Variants in ABCC3 observed in about 807,000 individuals in gnomAD.
ABCC3 encodes ATP binding cassette subfamily C member 3, also known as ATP-binding cassette sub-family C member 3.
In ABCC3, 121 loss-of-function variants were observed where a neutral mutation model predicts 165.3. The observed-to-expected ratio is 0.73, with a 90% confidence interval of 0.63 to 0.85. The LOEUF (loss-of-function observed/expected upper bound fraction) is 0.85. Among genes scored for constraint, ABCC3 ranks in the 40% least tolerant of loss-of-function variants. The pLI is 0.00. For missense variants in ABCC3, 1,869 were observed against 1,964.1 expected (o/e 0.95, Z 0.92); for synonymous variants, 733 against 810.1 (o/e 0.90, Z 1.62).
intron 30 of ABCC3, among the ~76,000 whole-genome samples, chr17:50,689,962 A>G (rs1051972230): frequency 2.0e-5 from 3 of 152,168 alleles, no homozygotes; most frequent in Non-Finnish European, 2.9e-5. Context: ...AATAGGGCCC[A>G]TAGGAAGGAC....
In ABCC3 at chr17:50,691,142, AC is replaced by A; in HGVS notation, c.4528del (p.Leu1510SerfsTer23). On this transcript the variant is annotated frameshift_variant, in exon 31 of 31. Transcript: ENST00000285238. LOFTEE classifies it high-confidence loss of function. ...GTAGCTGAATTTGATTCTCCAGCCA[AC>A]CTCATTGCAGCTAGAGGCATCTTCT... is the stretch of plus-strand genomic sequence containing the variant. The part of the protein sequence containing the change: ...GVVAEFDSPA[N>X]LIAARGIFYG... 6.2e-7 allele frequency: 1 copy of A among 1,614,178 alleles called. No individual in the cohort carries two copies. Among genetic ancestry groups the A allele is most frequent in the Non-Finnish European group, 8.5e-7 (1 of 1,180,016 alleles).
At position 50,673,529 on chromosome 17, in the gene ABCC3, C is replaced by A; in HGVS notation, c.2470C>A (p.Leu824Ile). Residue 824 changes from leucine (L) to isoleucine (I), a missense_variant, in exon 19 of 31, where the codon CTA becomes ATA. Coordinates refer to ENST00000285238, the MANE Select transcript of ABCC3 (RefSeq NM_003786.4). ...GCCCCAGACAGACTTCATCATTGTG[C>A]TAGCTGATGGACAGGTGTCTGAGAT... Reference protein sequence around the residue: ...FLPQTDFIIVLADGQVSEMGP... With the variant: ...FLPQTDFIIVIADGQVSEMGP... 6.2e-7 allele frequency: 1 copy of A among 1,614,170 alleles called. No homozygotes were observed. Among genetic ancestry groups the A allele is most frequent in the Non-Finnish European group, 8.5e-7 (1 of 1,180,030 alleles).
At chr17:50,675,810 G>A (rs202047316) in intron 21 of ABCC3, 35 bp downstream of exon 21, 13 of 1,590,214 alleles carry the variant, frequency 8.2e-6, no homozygotes, top group African/African-American at 1.3e-5. Context: ...TGGAGGGGAT[G>A]GACAGGCAGG....
intron 8 of ABCC3, among the ~76,000 whole-genome samples, chr17:50,662,859 G>A (rs1361027260): frequency 3.9e-5 from 6 of 152,090 alleles, no homozygotes; most frequent in Admixed American, 1.3e-4. Flanking sequence ...GTCGAGAGGA[G>A]AGTGTCCCAA....
intron 24 of ABCC3, 39 bp downstream of exon 24, chr17:50,677,982 A>T (rs377748244): frequency 5.0e-6 from 8 of 1,613,906 alleles, no homozygotes; most frequent in Middle Eastern, 1.6e-4. Flanking sequence ...TCCTCCAGGA[A>T]TTCCCAGCAG....
chr17:50,662,413 A>C (rs1323690345), intron 8 of ABCC3, among the ~76,000 whole-genome samples: 1 of 152,036 alleles, frequency 6.6e-6, no homozygotes, highest in Non-Finnish European at 1.5e-5. Flanking sequence ...GCTGGAAGTC[A>C]AACTCTCGAG....
In ABCC3 at chr17:50,677,849, C is replaced by G. The variant is rs376718291; in HGVS notation, c.3484C>G (p.Arg1162Gly). The G allele has an allele frequency of 5.6e-6, 9 of 1,614,006 alleles. No homozygotes were observed. Among genetic ancestry groups the G allele is most frequent in the Non-Finnish European group, 6.8e-6 (8 of 1,180,038 alleles). ...SETVTGASVI[R>G]AYNRSRDFEI... ...GACAGTGACTGGTGCCAGTGTCATCCGGGCCTACAACCGCAGCCGGGATTT... is the reference window on the plus strand; with the variant it reads ...GACAGTGACTGGTGCCAGTGTCATCGGGGCCTACAACCGCAGCCGGGATTT... Residue 1162 changes from arginine to glycine, a missense_variant, in exon 24 of 31, where the codon CGG becomes GGG. By Grantham distance (125) the Arg-to-Gly change is moderately radical. Coordinates refer to ENST00000285238, the MANE Select transcript of ABCC3 (RefSeq NM_003786.4).
chr17:50,653,074 G>A (rs902722805), intron 1 of ABCC3, among the ~76,000 whole-genome samples: 4 of 152,144 alleles, frequency 2.6e-5, no homozygotes, highest in South Asian at 2.1e-4. Flanking sequence ...GGCCGGGCAC[G>A]GTGGCTCACG....
At chr17:50,684,236 C>A in intron 28 of ABCC3, 129 bp downstream of exon 28, 1 of 1,238,004 alleles carries the variant, frequency 8.1e-7, no homozygotes, top group Non-Finnish European at 1.1e-6. Flanking sequence ...GAGGGACAGA[C>A]AGCAGGAAGC....
chr17:50,673,900 T>TTTTCTTCC (rs1967705686), intron 19 of ABCC3, among the ~76,000 whole-genome samples: 1 of 131,514 alleles, frequency 7.6e-6, no homozygotes, highest in Non-Finnish European at 1.7e-5. Context: ...TCAGAGCCTG[T>TTTTCTTCC]TTTCTTTCTT....
intron 1 of ABCC3, among the ~76,000 whole-genome samples, chr17:50,653,336 G>C (rs1967150283): frequency 9.1e-6 from 1 of 110,464 alleles, no homozygotes; most frequent in Non-Finnish European, 1.7e-5. Context: ...CCAAGAGCGA[G>C]ACTGTCTCAA....
Position 50,676,445 on chromosome 17 carries a change from G to A in ABCC3, c.3235G>A (p.Val1079Ile), listed in dbSNP as rs779268222. The A allele has an allele frequency of 1.5e-5, 24 of 1,614,178 alleles. No individual in the cohort carries two copies. Among genetic ancestry groups the A allele is most frequent in the Middle Eastern group, 1.6e-4 (1 of 6,062 alleles). ...CTGCTTCTCCAAGGACATCTATGTC[G>A]TTGATGAGGTTCTGGCCCCTGTCAT... ...LNCFSKDIYVVDEVLAPVILM... is the reference protein window; with the variant it reads ...LNCFSKDIYVIDEVLAPVILM... Residue 1079 changes from valine to isoleucine, a missense_variant, in exon 23 of 31, where the codon GTT becomes ATT. Val to Ile is a conservative substitution (Grantham distance 29, BLOSUM62 3). Transcript: ENST00000285238.
At position 50,667,718 on chromosome 17, in the gene ABCC3, C is replaced by T; in HGVS notation, c.1596C>T (p.His532=). The change falls in exon 12 of 31, where the codon CAC becomes CAT. Residue 532 remains histidine, a synonymous_variant. Coordinates refer to ENST00000285238, the MANE Select transcript of ABCC3 (RefSeq NM_003786.4). Reference sequence around the variant, plus strand: ...TGCTGCGCACGGCGGCCTACCTCCACACCACAACCACCTTCACCTGGATGT... The same window carrying T: ...TGCTGCGCACGGCGGCCTACCTCCATACCACAACCACCTTCACCTGGATGT... The part of the protein sequence containing the change: ...LQLLRTAAYL[H]TTTTFTWMCS... 2.5e-6 allele frequency: 4 copies of T among 1,614,148 alleles called. No individual in the cohort carries two copies. The highest frequency in any genetic ancestry group is 2.5e-6 in the Non-Finnish European group (3 of 1,180,054).
intron 8 of ABCC3, among the ~76,000 whole-genome samples, chr17:50,661,345 C>T (rs1018888415): frequency 3.9e-5 from 6 of 152,212 alleles, no homozygotes; most frequent in South Asian, 2.1e-4. Context: ...GTGGTGTGTA[C>T]GTTAACAAGC....
chr17:50,684,721 T>C lies in ABCC3; in HGVS notation c.4126T>C (p.Phe1376Leu), dbSNP rs1967991701. The change falls in exon 29 of 31, where the codon TTC (phenylalanine) becomes CTC (leucine). Residue 1376 changes from phenylalanine (F) to leucine (L), a missense_variant. Transcript: ENST00000285238. ...GTTGTATCCCCAGGACCCCATCCTG[T>C]TCTCGGGGACCCTGCGCATGAACCT... ...LTIIPQDPIL[F>L]SGTLRMNLDP... 1 of 1,613,980 alleles carries C rather than the reference T, an allele frequency of 6.2e-7. No homozygotes were observed. The highest frequency in any genetic ancestry group is 8.5e-7 in the Non-Finnish European group (1 of 1,179,976).
chr17:50,667,208 G>A (rs2146619729), intron 11 of ABCC3, among the ~76,000 whole-genome samples: 1 of 152,166 alleles, frequency 6.6e-6, no homozygotes, highest in African/African-American at 2.4e-5. Flanking sequence ...GCAACACAGT[G>A]AGGCACCATC....
chr17:50,644,794 A>G (rs1966967488), intron 1 of ABCC3, among the ~76,000 whole-genome samples: 1 of 152,164 alleles, frequency 6.6e-6, no homozygotes, highest in African/African-American at 2.4e-5. Flanking sequence ...CGAGGTGGGC[A>G]GATCACAAGG....
intron 26 of ABCC3, among the ~76,000 whole-genome samples, chr17:50,683,031 C>T (rs1463031566): frequency 6.6e-6 from 1 of 152,144 alleles, no homozygotes; most frequent in Non-Finnish European, 1.5e-5. Flanking sequence ...CAGCGAGACA[C>T]AGTCTCTTCA....
intron 1 of ABCC3, among the ~76,000 whole-genome samples, chr17:50,642,624 C>G (rs1435754204): frequency 2.0e-5 from 3 of 152,220 alleles, no homozygotes; most frequent in African/African-American, 7.2e-5. Flanking sequence ...ACTCCCATTA[C>G]TCACAGGTGG....
Sources: allele counts gnomAD v4.1 joint callset (sites outside exome capture counted in the v4.1 genomes callset), GRCh38; gene constraint gnomAD v4.1.1; transcripts MANE v1.5; gene names NCBI Gene and HGNC (gene_info 2026-07-23, HGNC 2026-07-21).